ME3: variants seen among roughly 807,000 people sequenced by gnomAD.
The protein encoded by ME3 is malic enzyme 3, also known as NADP-dependent malic enzyme, mitochondrial.
ME3 carries 48 observed loss-of-function variants against 68.9 expected under a neutral mutation model. That is an observed-to-expected ratio of 0.70 (90% CI 0.55 to 0.89). ME3 has a LOEUF of 0.89. ME3 is among the 40% of genes least tolerant of loss of function. The probability of loss-of-function intolerance (pLI) is 0.00; values close to 1 mark genes in which losing one functional copy is unlikely to be tolerated. For synonymous variants in ME3, 320 were observed against 318.8 expected, an observed-to-expected ratio of 1.00 and a Z score of -0.04; for missense variants, 675 against 797.4, an observed-to-expected ratio of 0.85 and a Z score of 1.85.
intron 7 of ME3, among the ~76,000 whole-genome samples, chr11:86,471,712 C>T (rs1035206696): frequency 5.3e-5 from 8 of 152,136 alleles, no homozygotes; most frequent in African/African-American, 1.9e-4. Context: ...GCCAGTCATC[C>T]CAGCTGCTCA....
intron 5 of ME3, among the ~76,000 whole-genome samples, chr11:86,505,263 G>A (rs571473740): frequency 1.3e-5 from 2 of 152,120 alleles, no homozygotes; most frequent in Admixed American, 6.5e-5. Flanking sequence ...TAGGGGTGGG[G>A]GGGGAGGAAC....
chr11:86,597,629 C>T (rs1959740870), intron 2 of ME3, among the ~76,000 whole-genome samples: 1 of 152,122 alleles, frequency 6.6e-6, no homozygotes, highest in East Asian at 1.9e-4. Flanking sequence ...GTGGGAAATG[C>T]CTTTGAGCAA....
chr11:86,441,276 G>A, exon 15 of ME3: 1 of 1,592,962 alleles, frequency 6.3e-7, no homozygotes, highest in Non-Finnish European at 8.5e-7. Flanking sequence ...CTCTGAGACT[G>A]CCTCAGACCG....
At chr11:86,516,250 A>G (rs1353398017) in intron 4 of ME3, among the ~76,000 whole-genome samples, 1 of 152,170 alleles carries the variant, frequency 6.6e-6, no homozygotes, top group East Asian at 1.9e-4. Flanking sequence ...TATATGGTGG[A>G]TATGGCATGC....
rs968499016 is a variant in ME3 at position 86,654,868 on chromosome 11, C to T, written c.183+16894G>A. On this transcript the variant is annotated intron_variant, in intron 2 of 14. Coordinates refer to ENST00000543262, the Ensembl canonical transcript of ME3. ...AAACCCCATCGTCTCAGCCCAAAAT[C>T]TCCTTAAGCTGATAAGCAACTTCAG... is the stretch of plus-strand genomic sequence containing the variant. Among the ~76,000 whole-genome samples the T allele has an allele frequency of 8.5e-4, 130 of 152,288 alleles. 1 individual carries two copies. The highest frequency in any genetic ancestry group is 3.4e-3 in the Middle Eastern group (1 of 294).
At chr11:86,546,101 T>G (rs1956344478) in intron 4 of ME3, among the ~76,000 whole-genome samples, 1 of 152,232 alleles carries the variant, frequency 6.6e-6, no homozygotes, top group Non-Finnish European at 1.5e-5. Context: ...TTGGGAAAAC[T>G]GGCTAGCCAT....
intron 2 of ME3, among the ~76,000 whole-genome samples, chr11:86,662,189 A>G (rs1946325515): frequency 6.6e-6 from 1 of 152,234 alleles, no homozygotes. Context: ...GAACCTGCAC[A>G]CTAGAAGTGT....
intron 2 of ME3, among the ~76,000 whole-genome samples, chr11:86,655,910 C>A (rs1945834746): frequency 2.0e-5 from 3 of 151,896 alleles, no homozygotes; most frequent in South Asian, 4.2e-4. Context: ...AAGAAAAAAA[C>A]AAACAACCCC....
chr11:86,467,662 TTCTC>T (rs57747402), intron 7 of ME3, among the ~76,000 whole-genome samples: 8,537 of 144,232 alleles, frequency 0.059, 336 homozygotes, highest in East Asian at 0.14. Context: ...CTCTCTCTGT[TTCTC>T]TCTCTCTCTC....
chr11:86,553,425 C>T (rs1315068527), intron 4 of ME3, among the ~76,000 whole-genome samples: 2 of 152,174 alleles, frequency 1.3e-5, no homozygotes, highest in Non-Finnish European at 1.5e-5. Flanking sequence ...GTCCTCCCTT[C>T]AGATGCTAAT....
intron 6 of ME3, among the ~76,000 whole-genome samples, chr11:86,495,765 AC>A (rs1255253589): frequency 6.6e-6 from 1 of 152,090 alleles, no homozygotes; most frequent in African/African-American, 2.4e-5. Context: ...TGGTGAGGAG[AC>A]ACATGGAGAC....
At chr11:86,639,486 T>C (rs1944535125) in intron 2 of ME3, among the ~76,000 whole-genome samples, 1 of 141,200 alleles carries the variant, frequency 7.1e-6, no homozygotes, top group African/African-American at 2.6e-5. Flanking sequence ...AAAACATACA[T>C]CTAAGCATCC....
chr11:86,646,340 T>G (rs1416882081), intron 2 of ME3, among the ~76,000 whole-genome samples: 1 of 152,096 alleles, frequency 6.6e-6, no homozygotes, highest in South Asian at 2.1e-4. Flanking sequence ...GAATAACCAG[T>G]TTAGAGAAGA....
intron 4 of ME3, among the ~76,000 whole-genome samples, chr11:86,529,309 A>C (rs1478607862): frequency 1.3e-5 from 2 of 152,248 alleles, no homozygotes; most frequent in East Asian, 3.9e-4. Context: ...TAAACCAGGA[A>C]GAAGTTGAAT....
exon 3 of ME3, chr11:86,559,759 A>C: frequency 2.5e-6 from 4 of 1,614,020 alleles, no homozygotes; most frequent in Non-Finnish European, 3.4e-6. Context: ...CTGGCTCAGA[A>C]AGCAGGGCGG....
At chr11:86,497,212 G>A (rs1348993014) in intron 6 of ME3, among the ~76,000 whole-genome samples, 2 of 152,162 alleles carry the variant, frequency 1.3e-5, no homozygotes, top group African/African-American at 4.8e-5. Context: ...TCAAACTCCT[G>A]GCCTCAGGTG....
At chr11:86,608,547 C>T (rs1565208692) in intron 2 of ME3, among the ~76,000 whole-genome samples, 1 of 152,112 alleles carries the variant, frequency 6.6e-6, no homozygotes, top group Non-Finnish European at 1.5e-5. Flanking sequence ...GACTCAAATT[C>T]CCTCTCAGCT....
At chr11:86,476,932 C>G (rs1951112831) in intron 7 of ME3, among the ~76,000 whole-genome samples, 1 of 152,082 alleles carries the variant, frequency 6.6e-6, no homozygotes, top group African/African-American at 2.4e-5. Flanking sequence ...CAGTGTTGGA[C>G]ATGTGAATGG....
At chr11:86,449,905 T>C in exon 10 of ME3, 1 of 1,613,700 alleles carries the variant, frequency 6.2e-7, no homozygotes, top group South Asian at 1.1e-5. Context: ...AATGAGCCCT[T>C]TAGAGTCCAC....
Sources: allele counts gnomAD v4.1 joint callset (sites outside exome capture counted in the v4.1 genomes callset), GRCh38; gene constraint gnomAD v4.1.1; transcripts MANE v1.5; gene names NCBI Gene and HGNC (gene_info 2026-07-23, HGNC 2026-07-21).